CRISP1: variants seen among roughly 807,000 people sequenced by gnomAD.
CRISP1 encodes the protein cysteine-rich secretory protein 1.
In CRISP1, 44 loss-of-function variants were observed where a neutral mutation model predicts 33.1. The observed-to-expected ratio is 1.33, with a 90% CI of 1.05 to 1.71. CRISP1 has a LOEUF of 1.71. CRISP1 is among the 40% of genes most tolerant of loss of function. CRISP1 has a pLI of 0.00. For synonymous variants in CRISP1, 103 were observed against 98.7 expected (o/e 1.04, Z -0.26); for missense variants, 390 against 301.2 (o/e 1.29, Z -2.18).
chr6:49,838,659 T>C (rs992432671), intron 6 of CRISP1, 134 bp from the exon 7 acceptor site: 5 of 617,730 alleles, frequency 8.1e-6, no homozygotes, highest in Admixed American at 6.5e-5. Context: ...ATTTTTAAGA[T>C]GGGTGTGAGA....
rs571707886 is a variant in CRISP1, at chr6:49,839,887, T to C, written c.533+1011A>G. 9.8e-5 allele frequency among the ~76,000 whole-genome samples: 15 copies of C among 152,332 alleles called. No homozygotes were observed. In the South Asian group the frequency reaches 3.1e-3, roughly 32 times the overall value. Reference sequence around the variant, plus strand: ...ATATTACACTCTGAATCAATAGTGATAGTGGTGGCGCCACTGAAAATGTGA... The same window carrying C: ...ATATTACACTCTGAATCAATAGTGACAGTGGTGGCGCCACTGAAAATGTGA... On this transcript the variant is annotated intron_variant, in intron 6 of 7. Transcript: ENST00000335847.
upstream of CRISP1, among the ~76,000 whole-genome samples, chr6:49,870,928 C>T (rs1002169155): frequency 2.0e-5 from 3 of 151,900 alleles, no homozygotes; most frequent in South Asian, 2.1e-4. Context: ...TGGTGAAACC[C>T]CATGCCTACT....
chr6:49,837,237 A>G (rs562940371), intron 7 of CRISP1, among the ~76,000 whole-genome samples: 1 of 152,284 alleles, frequency 6.6e-6, no homozygotes, highest in South Asian at 2.1e-4. Context: ...TCACTTTCTC[A>G]AACACTTACA....
intron 5 of CRISP1, among the ~76,000 whole-genome samples, chr6:49,845,699 A>G (rs1013247261): frequency 1.3e-5 from 1 of 78,272 alleles, no homozygotes; most frequent in African/African-American, 5.2e-5. Context: ...AGTATTATTC[A>G]CAATAGCCAA....
chr6:49,846,776 A>G (rs777606002), intron 4 of CRISP1, 108 bp from the exon 5 acceptor site: 5 of 1,065,450 alleles, frequency 4.7e-6, no homozygotes, highest in South Asian at 1.7e-5. Context: ...CATCTTGACA[A>G]CATCTTCTGA....
intron 5 of CRISP1, among the ~76,000 whole-genome samples, chr6:49,843,173 CT>C (rs1301190378): frequency 1.3e-5 from 2 of 152,062 alleles, no homozygotes; most frequent in Non-Finnish European, 2.9e-5. Context: ...AGATTTTTAG[CT>C]TTCTAGATAT....
chr6:49,841,125 A>T, intron 5 of CRISP1, 130 bp from the exon 6 acceptor site: 1 of 753,124 alleles, frequency 1.3e-6, no homozygotes, highest in Non-Finnish European at 2.2e-6. Flanking sequence ...GCTTAATAAG[A>T]AGTCATAGAA....
chr6:49,861,334 A>G (rs1459162061), intron 1 of CRISP1, among the ~76,000 whole-genome samples: 2 of 152,178 alleles, frequency 1.3e-5, no homozygotes, highest in Non-Finnish European at 2.9e-5. Context: ...ATAGATGCAA[A>G]GTTCCTTAAA....
At chr6:49,839,383 C>G (rs960424325) in intron 6 of CRISP1, among the ~76,000 whole-genome samples, 3 of 150,164 alleles carry the variant, frequency 2.0e-5, no homozygotes, top group Non-Finnish European at 4.4e-5. Context: ...CCCAGAAGGT[C>G]AATACTACAG....
rs3997164 is a variant in CRISP1 at position 49,864,384 on chromosome 6, CTGTGTGTG to C, written c.-3+2037_-3+2044del. 5.9e-3 allele frequency among the ~76,000 whole-genome samples: 843 copies of C among 142,356 alleles called. 11 individuals are homozygous for C. The East Asian group carries it at 0.065, about 11-fold the overall frequency. 93.4% of individuals were successfully genotyped at this position (142,356 alleles called of 152,430 possible). A position where few individuals can be genotyped will look rare whatever the true frequency, so the allele number is the denominator to read the frequency against. ...TTTTAGTAAACACTGTTGCTATTCACTGTGTGTGTGTGTGTGTGTGTGTGTGTGTGTGT... is the reference window on the plus strand; with the variant it reads ...TTTTAGTAAACACTGTTGCTATTCACTGTGTGTGTGTGTGTGTGTGTGTGT... On this transcript the variant is annotated intron_variant, in intron 1 of 7. Transcript: ENST00000335847.
chr6:49,846,451 T>C, intron 5 of CRISP1, 69 bp downstream of exon 5: 1 of 1,475,988 alleles, frequency 6.8e-7, no homozygotes, highest in Non-Finnish European at 9.2e-7. Context: ...TTCAGTTGTT[T>C]CTTAGTTACG....
In CRISP1 at chr6:49,857,240, C is replaced by T. The variant is rs1771520737; in HGVS notation, c.66+95G>A. 7 of 1,204,424 alleles carry T rather than the reference C, an allele frequency of 5.8e-6. No individual in the cohort carries two copies. The South Asian group carries it at 7.9e-5, about 14-fold the overall frequency. 74.6% of individuals were successfully genotyped at this position (1,204,424 alleles called of 1,614,324 possible). On this transcript the variant is annotated intron_variant, in intron 2 of 7. Transcript: ENST00000335847. ...CAAAGTGAGTAATGGGTGTAGTGGC[C>T]TCACAACAGTGCCTCTAACATGGTG... is the stretch of plus-strand genomic sequence containing the variant.
At chr6:49,876,110 A>G (rs998164948) in intron 1 of CRISP1, among the ~76,000 whole-genome samples, 1 of 152,202 alleles carries the variant, frequency 6.6e-6, no homozygotes, top group African/African-American at 2.4e-5. Context: ...TGAATAGTCT[A>G]CAGAATGGGA....
intron 2 of CRISP1, among the ~76,000 whole-genome samples, chr6:49,856,634 G>A (rs1323881434): frequency 5.3e-5 from 8 of 151,926 alleles, no homozygotes; most frequent in South Asian, 2.1e-4. Flanking sequence ...CCTGGCCTAC[G>A]AAAATATAAA....
chr6:49,858,357 C>T (rs1030448795), intron 1 of CRISP1, among the ~76,000 whole-genome samples: 3 of 152,152 alleles, frequency 2.0e-5, no homozygotes, highest in African/African-American at 7.2e-5. Flanking sequence ...ATTAATCCTG[C>T]TGTGTGAGAA....
intron 1 of CRISP1, among the ~76,000 whole-genome samples, chr6:49,872,788 G>A (rs926698797): frequency 1.3e-5 from 2 of 152,178 alleles, no homozygotes; most frequent in African/African-American, 2.4e-5. Flanking sequence ...GTATCATGCT[G>A]TTTTGGTTAA....
intron 1 of CRISP1, among the ~76,000 whole-genome samples, chr6:49,873,388 T>C (rs2127480157): frequency 6.6e-6 from 1 of 152,200 alleles, no homozygotes; most frequent in South Asian, 2.1e-4. Flanking sequence ...TGATTAATGA[T>C]TAAATATTAT....
intron 5 of CRISP1, 101 bp downstream of exon 5, chr6:49,846,419 G>T (rs1771169599): frequency 8.3e-7 from 1 of 1,203,728 alleles, no homozygotes; most frequent in Non-Finnish European, 1.2e-6. Flanking sequence ...AGTAAAGATT[G>T]CCATAAGAAG....
At chr6:49,855,086 T>C (rs1476915313) in intron 2 of CRISP1, among the ~76,000 whole-genome samples, 1 of 152,136 alleles carries the variant, frequency 6.6e-6, no homozygotes, top group East Asian at 1.9e-4. Context: ...GTAGAAATAC[T>C]CTTTCTTTTG....
Sources: allele counts gnomAD v4.1 joint callset (sites outside exome capture counted in the v4.1 genomes callset), GRCh38; gene constraint gnomAD v4.1.1; transcripts MANE v1.5; gene names NCBI Gene and HGNC (gene_info 2026-07-23, HGNC 2026-07-21).